Variants in ROS1 observed in about 807,000 individuals in gnomAD.
ROS1 encodes ROS proto-oncogene 1, receptor tyrosine kinase, also known as proto-oncogene tyrosine-protein kinase ROS.
Under a neutral mutation model 273.5 loss-of-function variants are expected in ROS1, and 263 were observed. The ratio of observed to expected loss-of-function variants is 0.96; its 90% CI spans 0.87 to 1.06. The LOEUF (loss-of-function observed/expected upper bound fraction) is 1.06, where lower values mean the gene tolerates loss of function less well. ROS1 is among the 50% of genes least tolerant of loss of function. The pLI, the probability that ROS1 is intolerant of heterozygous loss-of-function variation, is 0.00. For missense variants in ROS1, 2,833 were observed against 2,751.1 expected, an observed-to-expected ratio of 1.03 and a Z score of -0.67; for synonymous variants, 1,008 against 954.1, an observed-to-expected ratio of 1.06 and a Z score of -1.04.
intron 27 of ROS1, among the ~76,000 whole-genome samples, chr6:117,347,288 A>G (rs1400394975): frequency 1.3e-5 from 2 of 152,062 alleles, no homozygotes; most frequent in Admixed American, 1.3e-4. Flanking sequence ...ATATGCTGTT[A>G]GATTTATACC....
rs2128624110 is a variant in ROS1, at chr6:117,342,525, G to A, written c.4526C>T (p.Ala1509Val). ...YRILEFQDSI[A>V]LIEDLQPFST... ...AAATGGTTGTAAATCTTCAATAAGAGCTATACTGTCCTGAAATTCCTGTAA... is the reference window on the plus strand; with the variant it reads ...AAATGGTTGTAAATCTTCAATAAGAACTATACTGTCCTGAAATTCCTGTAA... Residue 1509 changes from alanine (A) to valine (V), a missense_variant, in exon 29 of 44, where the codon GCT (alanine) becomes GTT (valine). Ala to Val is a moderately conservative substitution (Grantham distance 64). Coordinates refer to ENST00000368507, the MANE Select transcript of ROS1 (RefSeq NM_001378902.1). 1 of 1,567,676 alleles carries A rather than the reference G, an allele frequency of 6.4e-7. No individual in the cohort carries two copies. The highest frequency in any genetic ancestry group is 8.7e-7 in the Non-Finnish European group (1 of 1,151,780).
Position 117,287,593 on chromosome 6 carries a change from T to G in ROS1, c.*899A>C, listed in dbSNP as rs1302156491. Among the ~76,000 whole-genome samples, 2 of 152,136 alleles carry G rather than the reference T, an allele frequency of 1.3e-5. No individual in the cohort carries two copies. The highest frequency in any genetic ancestry group is 4.8e-5 in the African/African-American group (2 of 41,430). On this transcript the variant is annotated 3_prime_UTR_variant, in exon 44 of 44. Transcript: ENST00000368507. ...ATGACTGAATCTACTGTTGTAAGCC[T>G]CAAAACTACAAAATATTTTACAGTA...
intron 7 of ROS1, 36 bp downstream of exon 7, chr6:117,403,103 T>A (rs376358437): frequency 1.1e-5 from 18 of 1,608,312 alleles, no homozygotes; most frequent in Non-Finnish European, 1.5e-5. Context: ...AGCTTTGGAA[T>A]AATGTCCTTT....
At chr6:117,313,436 G>A (rs900785625) in intron 39 of ROS1, among the ~76,000 whole-genome samples, 1 of 151,946 alleles carries the variant, frequency 6.6e-6, no homozygotes, top group African/African-American at 2.4e-5. Flanking sequence ...AGCTGGGTAT[G>A]GTGGCATATG....
rs78803524 is a variant in ROS1, at chr6:117,321,182, C to T, written c.5759+77G>A. ...TAAACCATGACTGTCTTGGGCAATG[C>T]GGAATTCATAGGCACTCTCCTTACT... On this transcript the variant is annotated intron_variant, in intron 36 of 43. Coordinates refer to ENST00000368507, the MANE Select transcript of ROS1 (RefSeq NM_001378902.1). 1.7e-4 allele frequency: 245 copies of T among 1,479,202 alleles called. No homozygotes were observed. In the African/African-American group the frequency reaches 3.0e-3, roughly 18 times the overall value. 91.6% of individuals were successfully genotyped at this position (1,479,202 alleles called of 1,614,324 possible). A position where few individuals can be genotyped will look rare whatever the true frequency, so the allele number is the denominator to read the frequency against.
intron 31 of ROS1, among the ~76,000 whole-genome samples, chr6:117,340,442 A>G (rs976257559): frequency 2.6e-5 from 4 of 152,308 alleles, no homozygotes; most frequent in Admixed American, 6.5e-5. Context: ...ACGTACACAT[A>G]CATAGGCCCA....
At chr6:117,359,404 A>T (rs1257178319) in intron 24 of ROS1, among the ~76,000 whole-genome samples, 1 of 152,206 alleles carries the variant, frequency 6.6e-6, no homozygotes, top group African/African-American at 2.4e-5. Context: ...GAGGTTAAAT[A>T]ACTTGCCAGT....
chr6:117,402,760 A>G (rs1231064688), intron 7 of ROS1, among the ~76,000 whole-genome samples: 3 of 151,994 alleles, frequency 2.0e-5, no homozygotes, highest in African/African-American at 7.2e-5. Context: ...ATGGTAGTGC[A>G]TGCCTGAGTC....
chr6:117,353,621 T>A (rs953329534), intron 26 of ROS1, among the ~76,000 whole-genome samples: 1 of 152,232 alleles, frequency 6.6e-6, no homozygotes, highest in African/African-American at 2.4e-5. Flanking sequence ...TTGCAGATAA[T>A]AAATGATTAT....
At chr6:117,372,797 T>A (rs981939148) in intron 18 of ROS1, among the ~76,000 whole-genome samples, 2 of 152,186 alleles carry the variant, frequency 1.3e-5, no homozygotes, top group African/African-American at 4.8e-5. Flanking sequence ...GCCACACTTA[T>A]CACAAAGAGC....
chr6:117,414,763 A>T (rs750656997), intron 3 of ROS1, among the ~76,000 whole-genome samples: 1 of 152,228 alleles, frequency 6.6e-6, no homozygotes, highest in Non-Finnish European at 1.5e-5. Flanking sequence ...TCACTGGAAA[A>T]ATGGGAGAAT....
chr6:117,356,627 A>G lies in ROS1; in HGVS notation c.4126+2T>C. The G allele has an allele frequency of 6.2e-7, 1 of 1,607,742 alleles. No homozygotes were observed. The highest frequency in any genetic ancestry group is 1.7e-5 in the Admixed American group (1 of 59,826). Reference sequence around the variant, plus strand: ...ATCTGTGCACATACATCAGCATCTTACCGAGCATAGCAGGTACTGTGATAA... The same window carrying G: ...ATCTGTGCACATACATCAGCATCTTGCCGAGCATAGCAGGTACTGTGATAA... On this transcript the variant is annotated splice_donor_variant, in intron 26 of 43. Transcript: ENST00000368507. LOFTEE classifies it high-confidence loss of function.
At chr6:117,331,409 A>C (rs1188919048) in intron 32 of ROS1, among the ~76,000 whole-genome samples, 3 of 152,210 alleles carry the variant, frequency 2.0e-5, no homozygotes, top group African/African-American at 7.2e-5. Context: ...ACACGTGGGA[A>C]AACACCCTTC....
intron 1 of ROS1, among the ~76,000 whole-genome samples, chr6:117,424,977 A>G (rs1776031700): frequency 6.6e-6 from 1 of 152,222 alleles, no homozygotes; most frequent in Non-Finnish European, 1.5e-5. Context: ...TAGAGAAGGG[A>G]TGACACCCAG....
Position 117,362,699 on chromosome 6 carries a change from G to C in ROS1, c.3270C>G (p.Asn1090Lys). Residue 1090 changes from asparagine (N) to lysine (K), a missense_variant, in exon 22 of 44, where the codon AAC (asparagine) becomes AAG (lysine). Coordinates refer to ENST00000368507, the MANE Select transcript of ROS1 (RefSeq NM_001378902.1). Reference protein sequence around the residue: ...FYNISNQSITNKTCEDWIAVN... With the variant: ...FYNISNQSITKKTCEDWIAVN... The stretch of plus-strand genomic sequence containing the variant: ...CAGCAATCCAGTCTTCACATGTTTT[G>C]TTTGTAATACTTTGATTGGATATAT... The C allele has an allele frequency of 1.2e-6, 2 of 1,613,336 alleles. No individual in the cohort carries two copies. The highest frequency in any genetic ancestry group is 8.5e-7 in the Non-Finnish European group (1 of 1,179,416).
intron 4 of ROS1, among the ~76,000 whole-genome samples, chr6:117,411,974 A>G (rs1774947045): frequency 6.6e-6 from 1 of 152,228 alleles, no homozygotes; most frequent in Admixed American, 6.5e-5. Flanking sequence ...AGACTTTATT[A>G]GGGTGATCCA....
At chr6:117,323,297 CACTTTGCAGAAAGAATAAAGACTTAGA>C (rs1164684857) in intron 35 of ROS1, among the ~76,000 whole-genome samples, 1 of 152,172 alleles carries the variant, frequency 6.6e-6, no homozygotes, top group East Asian at 1.9e-4. Context: ...TGACTCCAAT[CACTTTGCAGAAAGAATAAAGACTTAGA>C]ACACAGTAAA....
At position 117,366,103 on chromosome 6, in the gene ROS1, T is replaced by A; in HGVS notation, c.2770A>T (p.Ile924Phe). ...GGCAGGGGCTTAAGGGATGTCTGAA[T>A]AATTGTGAACTGATTAAATCTGGCT... The part of the protein sequence containing the change: ...EPARFNQFTI[I>F]QTSLKPLPGN... The change falls in exon 19 of 44, where the codon ATT becomes TTT. Residue 924 changes from isoleucine (I) to phenylalanine (F), a missense_variant. Coordinates refer to ENST00000368507, the MANE Select transcript of ROS1 (RefSeq NM_001378902.1). 1 of 1,614,124 alleles carries A rather than the reference T, an allele frequency of 6.2e-7. No individual in the cohort carries two copies. Among genetic ancestry groups the A allele is most frequent in the Non-Finnish European group, 8.5e-7 (1 of 1,179,958 alleles).
intron 31 of ROS1, among the ~76,000 whole-genome samples, chr6:117,339,652 A>T (rs532253247): frequency 2.4e-4 from 37 of 152,290 alleles, no homozygotes; most frequent in African/African-American, 8.2e-4. Flanking sequence ...CCACTCATGT[A>T]CAAATGACTC....
Sources: gnomAD v4.1 joint callset for allele counts (sites outside exome capture counted in the v4.1 genomes callset) on GRCh38, gnomAD v4.1.1 for gene constraint, MANE v1.5 for transcripts, NCBI Gene and HGNC (gene_info 2026-07-23, HGNC 2026-07-21) for gene names.